Variants in ZNF107 observed in about 807,000 individuals in gnomAD.
ZNF107 encodes the protein C2H2 type zinc-finger protein.
A neutral mutation model predicts 12.3 loss-of-function variants in ZNF107; 19 were observed. The ratio of observed to expected loss-of-function variants is 1.55; its 90% CI spans 1.08 to 2.27. The LOEUF is 2.27. Ranked by LOEUF, ZNF107 falls within the 30% of genes most tolerant of loss-of-function variation. The pLI is 0.00. For missense variants in ZNF107, 958 were observed against 979.9 expected (o/e 0.98, Z 0.30); for synonymous variants, 317 against 330.5 (o/e 0.96, Z 0.44).
intron 1 of ZNF107, among the ~76,000 whole-genome samples, chr7:64,680,922 G>A (rs767256327): frequency 2.0e-4 from 31 of 152,124 alleles, no homozygotes; most frequent in Non-Finnish European, 3.1e-4. Context: ...CATCCAGACC[G>A]CAGCGCCCAG....
At chr7:64,698,660 A>C (rs751176833) in intron 3 of ZNF107, among the ~76,000 whole-genome samples, 2 of 152,142 alleles carry the variant, frequency 1.3e-5, no homozygotes, top group Non-Finnish European at 2.9e-5. Context: ...ACCTCAGGTG[A>C]TCTGCCCACC....
chr7:64,686,156 A>G (rs556052908), intron 1 of ZNF107, among the ~76,000 whole-genome samples: 15 of 152,206 alleles, frequency 9.9e-5, no homozygotes, highest in Non-Finnish European at 2.1e-4. Context: ...TTAGGGGAAG[A>G]TTGTTTTTCC....
Position 64,708,941 on chromosome 7 carries a change from T to C in ZNF107, c.*285T>C. 1 of 521,498 alleles carries C rather than the reference T, an allele frequency of 1.9e-6. No individual in the cohort carries two copies. 32.3% of individuals were successfully genotyped at this position (521,498 alleles called of 1,614,324 possible). ...CAACTTTTACTAAACATAAGGTAAT[T>C]CATACTGGAGAAAAGCCATACAAAT... On this transcript the variant is annotated 3_prime_UTR_variant, in exon 4 of 4. Coordinates refer to ENST00000620827, the MANE Select transcript of ZNF107 (RefSeq NM_001282359.2).
At chr7:64,669,985 T>C (rs1789160843) in intron 1 of ZNF107, among the ~76,000 whole-genome samples, 1 of 151,992 alleles carries the variant, frequency 6.6e-6, no homozygotes. Context: ...AGTTCTTTCT[T>C]GGAAGCCTCC....
chr7:64,689,047 C>T (rs901170791), intron 1 of ZNF107, among the ~76,000 whole-genome samples: 5 of 151,410 alleles, frequency 3.3e-5, no homozygotes, highest in East Asian at 1.9e-4. Flanking sequence ...TCTTTGATCC[C>T]AGGTTACAAT....
In ZNF107 at chr7:64,709,879, C is replaced by A. The variant is rs1367779602; in HGVS notation, c.*1223C>A. 7 of 367,952 alleles carry A rather than the reference C, an allele frequency of 1.9e-5. No individual in the cohort carries two copies. Among genetic ancestry groups the A allele is most frequent in the Admixed American group, 7.8e-5 (2 of 25,774 alleles). 22.8% of individuals were successfully genotyped at this position (367,952 alleles called of 1,614,324 possible). On this transcript the variant is annotated 3_prime_UTR_variant, in exon 4 of 4. Transcript: ENST00000620827. ...CTGGCTCACATCTGTAATGCCAGCA[C>A]TTTGGGAGGCCAAGGTGGGTGGATC... is the stretch of plus-strand genomic sequence containing the variant.
chr7:64,691,303 G>A lies in ZNF107; in HGVS notation c.59G>A (p.Cys20Tyr), dbSNP rs1790109714. The change falls in exon 2 of 4, where the codon TGC becomes TAC. Residue 20 changes from cysteine (C) to tyrosine (Y), a missense_variant. Transcript: ENST00000620827. ...GAATTCTCTCTGGAGGAGTGGCAATGCCTGGATACTGCACAGCGGGATTTA... is the reference window on the plus strand; with the variant it reads ...GAATTCTCTCTGGAGGAGTGGCAATACCTGGATACTGCACAGCGGGATTTA... ...AIEFSLEEWQCLDTAQRDLYR... is the reference protein window; with the variant it reads ...AIEFSLEEWQYLDTAQRDLYR... 1 of 1,555,414 alleles carries A rather than the reference G, an allele frequency of 6.4e-7. No homozygotes were observed. Among genetic ancestry groups the A allele is most frequent in the Non-Finnish European group, 8.7e-7 (1 of 1,153,124 alleles).
chr7:64,679,754 A>G (rs562280019), intron 1 of ZNF107, among the ~76,000 whole-genome samples: 1 of 152,280 alleles, frequency 6.6e-6, no homozygotes, highest in African/African-American at 2.4e-5. Context: ...TAAATTAGAC[A>G]GTGGCTCTCA....
At position 64,709,114 on chromosome 7, in the gene ZNF107, A is replaced by G; in HGVS notation, c.*458A>G. ...CTTACTATACAGAAATTCATACTGG[A>G]GAGAAAGCCTACAATTGTGAAGAAT... On this transcript the variant is annotated 3_prime_UTR_variant, in exon 4 of 4. Transcript: ENST00000620827. 1 of 467,242 alleles carries G rather than the reference A, an allele frequency of 2.1e-6. No homozygotes were observed. The highest frequency in any genetic ancestry group is 4.3e-6 in the Non-Finnish European group (1 of 231,762). The allele number at this position is 467,242 out of a possible 1,614,324, so 28.9% of individuals were successfully genotyped here.
At chr7:64,690,409 A>C (rs1378296556) in intron 1 of ZNF107, 2 of 985,258 alleles carry the variant, frequency 2.0e-6, no homozygotes, top group African/African-American at 1.7e-5. Flanking sequence ...GTCTGGCCCC[A>C]CCCTGGAGTC....
At position 64,708,369 on chromosome 7, in the gene ZNF107, G is replaced by A; in HGVS notation, c.2272G>A (p.Glu758Lys). 6.2e-7 allele frequency: 1 copy of A among 1,613,354 alleles called. No homozygotes were observed. The stretch of plus-strand genomic sequence containing the variant: ...TGCACATAAGAAAATTCATACTGGA[G>A]AGAAACCCTATAAATGTGAAGAATG... ...LTAHKKIHTGEKPYKCEECGK... is the reference protein window; with the variant it reads ...LTAHKKIHTGKKPYKCEECGK... The change falls in exon 4 of 4, where the codon GAG becomes AAG. Residue 758 changes from glutamate (E) to lysine (K), a missense_variant. By Grantham distance (56) the Glu-to-Lys change is moderately conservative. Transcript: ENST00000620827.
intron 3 of ZNF107, among the ~76,000 whole-genome samples, chr7:64,693,837 G>A (rs1323856747): frequency 6.6e-6 from 1 of 152,094 alleles, no homozygotes; most frequent in African/African-American, 2.4e-5. Flanking sequence ...TGCCCAGGCT[G>A]GAGTGCAGTG....
At chr7:64,677,474 AT>A (rs35097425) in intron 1 of ZNF107, among the ~76,000 whole-genome samples, 137,279 of 147,978 alleles carry the variant, frequency 0.93, 63,675 homozygotes, top group African/African-American at 0.94. Flanking sequence ...ACCTCGCCGG[AT>A]TTTTTTTTTT....
chr7:64,680,610 G>A (rs11766737), intron 1 of ZNF107, among the ~76,000 whole-genome samples: 44,209 of 152,148 alleles, frequency 0.29, 8,044 homozygotes, highest in Non-Finnish European at 0.4. Flanking sequence ...GGGCAAGGAC[G>A]AAAATCCAGC....
chr7:64,686,077 G>T (rs1475852678), intron 1 of ZNF107, among the ~76,000 whole-genome samples: 4 of 152,078 alleles, frequency 2.6e-5, no homozygotes, highest in Non-Finnish European at 5.9e-5. Flanking sequence ...CTCCTTAGCA[G>T]CAGTAACTCT....
chr7:64,700,506 C>CTTTTTTTT lies in ZNF107; in HGVS notation c.227-5796_227-5789dup, dbSNP rs141980471. 4.9e-3 allele frequency among the ~76,000 whole-genome samples: 326 copies of CTTTTTTTT among 66,256 alleles called. 39 individuals carry two copies. The highest frequency in any genetic ancestry group is 0.018 in the African/African-American group (298 of 16,236). The allele number at this position is 66,256 out of a possible 152,430, so 43.5% of individuals were successfully genotyped here. On this transcript the variant is annotated intron_variant, in intron 3 of 3. Coordinates refer to ENST00000620827, the MANE Select transcript of ZNF107 (RefSeq NM_001282359.2). ...GTCTGTCAAACCAAGCCAAATAAACCTTTTTTTTTTTTTTTTTTTTTTTTT... is the reference window on the plus strand; with the variant it reads ...GTCTGTCAAACCAAGCCAAATAAACCTTTTTTTTTTTTTTTTTTTTTTTTTTTTTTTTT...
intron 3 of ZNF107, among the ~76,000 whole-genome samples, chr7:64,692,680 C>G (rs939347713): frequency 3.3e-5 from 5 of 151,800 alleles, no homozygotes; most frequent in African/African-American, 1.2e-4. Context: ...TTATTTGTGT[C>G]TTCTCTAATT....
At chr7:64,693,869 A>T (rs1367074947) in intron 3 of ZNF107, among the ~76,000 whole-genome samples, 2 of 151,948 alleles carry the variant, frequency 1.3e-5, no homozygotes, top group Non-Finnish European at 2.9e-5. Flanking sequence ...GCTCACTGCA[A>T]CCTTTGCCTC....
At chr7:64,695,607 T>C (rs543593991) in intron 3 of ZNF107, among the ~76,000 whole-genome samples, 25 of 152,320 alleles carry the variant, frequency 1.6e-4, no homozygotes, top group Non-Finnish European at 3.1e-4. Flanking sequence ...AAAAATAAAT[T>C]AGCCATATGT....
Sources: allele counts gnomAD v4.1 joint callset (sites outside exome capture counted in the v4.1 genomes callset), GRCh38; gene constraint gnomAD v4.1.1; transcripts MANE v1.5; gene names NCBI Gene and HGNC (gene_info 2026-07-23, HGNC 2026-07-21).